NXPE1: variants seen among roughly 807,000 people sequenced by gnomAD.
NXPE1 encodes the protein NXPE family member 1.
A neutral mutation model predicts 33.3 loss-of-function variants in NXPE1; 31 were observed. The ratio of observed to expected loss-of-function variants is 0.93; its 90% confidence interval spans 0.70 to 1.26. The LOEUF (loss-of-function observed/expected upper bound fraction) is 1.26. Ranked by LOEUF, NXPE1 falls within the 50% of genes most tolerant of loss-of-function variation. The pLI, the probability that NXPE1 is intolerant of heterozygous loss-of-function variation, is 0.00. For missense variants in NXPE1, 661 were observed against 655.6 expected (o/e 1.01, Z -0.09); for synonymous variants, 229 against 231.4 (o/e 0.99, Z 0.09).
intron 5 of NXPE1, among the ~76,000 whole-genome samples, chr11:114,542,077 T>C (rs569964092): frequency 6.6e-6 from 1 of 152,288 alleles, no homozygotes. Context: ...TATGTTGAGA[T>C]TTTTTGCTAG....
intron 6 of NXPE1, chr11:114,529,046 T>A (rs565246898): frequency 7.5e-6 from 3 of 398,350 alleles, no homozygotes; most frequent in East Asian, 7.0e-5. Flanking sequence ...GAATGCATGT[T>A]ATTTTGTCAT....
rs191577194 is a variant in NXPE1 at position 114,528,945 on chromosome 11, G to A, written c.834-1044C>T. On this transcript the variant is annotated intron_variant, in intron 6 of 8. Coordinates refer to ENST00000534921, the Ensembl canonical transcript of NXPE1. Reference sequence around the variant, plus strand: ...TGTACCATCAGAGATAAAAGGGAGGGAACAGAAACTTAACTGTGCTTTTAC... The same window carrying A: ...TGTACCATCAGAGATAAAAGGGAGGAAACAGAAACTTAACTGTGCTTTTAC... 2.5e-3 allele frequency: 1,191 copies of A among 467,404 alleles called. 1 individual carries two copies. The highest frequency in any genetic ancestry group is 3.8e-3 in the Non-Finnish European group (971 of 255,788). 29.0% of individuals were successfully genotyped at this position (467,404 alleles called of 1,614,324 possible). A position where few individuals can be genotyped will look rare whatever the true frequency, so the allele number is the denominator to read the frequency against.
chr11:114,524,594 A>G (rs1947312397), intron 7 of NXPE1, among the ~76,000 whole-genome samples: 1 of 152,176 alleles, frequency 6.6e-6, no homozygotes, highest in Non-Finnish European at 1.5e-5. Flanking sequence ...ATGAGGCTTG[A>G]TAGCATTGCA....
chr11:114,520,609 C>G (rs994963925), downstream of NXPE1, among the ~76,000 whole-genome samples: 3 of 152,150 alleles, frequency 2.0e-5, no homozygotes, highest in Non-Finnish European at 4.4e-5. Flanking sequence ...GTGCTGATTT[C>G]ATTTCCTTTG....
intron 2 of NXPE1, 102 bp downstream of exon 2, chr11:114,552,750 T>C (rs1948539023): frequency 3.1e-6 from 1 of 325,130 alleles, no homozygotes; most frequent in South Asian, 1.2e-4. Context: ...TCAGCAGCAT[T>C]GAAAAAAAAG....
Position 114,535,660 on chromosome 11 carries a change from C to T in NXPE1, c.100-4752G>A, listed in dbSNP as rs532755332. 1.1e-4 allele frequency among the ~76,000 whole-genome samples: 16 copies of T among 152,128 alleles called. No homozygotes were observed. In the East Asian group the frequency reaches 2.9e-3, roughly 28 times the overall value. The stretch of plus-strand genomic sequence containing the variant: ...AGTCTCGGATAAAACAGACTTAAAC[C>T]AACAAAGATCAAAAGAGACAAAGAA... On this transcript the variant is annotated intron_variant, in intron 5 of 8. Transcript: ENST00000534921.
exon 8 of NXPE1, chr11:114,522,950 C>T (rs770267987): frequency 9.3e-6 from 15 of 1,613,422 alleles, no homozygotes; most frequent in Non-Finnish European, 1.3e-5. Context: ...AATGAGTTTG[C>T]CTTTCAAACA....
intron 5 of NXPE1, among the ~76,000 whole-genome samples, chr11:114,548,017 A>C (rs1363321527): frequency 6.6e-6 from 1 of 152,176 alleles, no homozygotes; most frequent in African/African-American, 2.4e-5. Flanking sequence ...TTGAACAATT[A>C]AATACCACAT....
intron 5 of NXPE1, among the ~76,000 whole-genome samples, chr11:114,535,435 T>C (rs890260239): frequency 1.3e-5 from 2 of 152,146 alleles, no homozygotes; most frequent in East Asian, 1.9e-4. Flanking sequence ...ATAACAATAC[T>C]AACCATAAAT....
At chr11:114,530,304 T>G in exon 6 of NXPE1, 1 of 1,614,214 alleles carries the variant, frequency 6.2e-7, no homozygotes, top group Non-Finnish European at 8.5e-7. Context: ...GTCTCTGTCA[T>G]CCAGATATTC....
At chr11:114,546,458 A>T (rs1019400968) in intron 5 of NXPE1, among the ~76,000 whole-genome samples, 13 of 130,752 alleles carry the variant, frequency 9.9e-5, no homozygotes, top group Admixed American at 6.2e-4. Flanking sequence ...ACATATATAT[A>T]TTTTTTCTTT....
chr11:114,522,595 CTAGA>C, intron 8 of NXPE1, 92 bp from the exon 9 acceptor site: 1 of 1,046,948 alleles, frequency 9.6e-7, no homozygotes. Flanking sequence ...CCCACCCTAC[CTAGA>C]TAATTGCTCA....
At chr11:114,553,897 G>T (rs80086409) in intron 1 of NXPE1, 2 of 979,350 alleles carry the variant, frequency 2.0e-6, no homozygotes, top group African/African-American at 3.5e-5. Flanking sequence ...GATCGTGGAA[G>T]TCATCAAAGG....
chr11:114,555,521 A>G (rs11215055), intron 1 of NXPE1, among the ~76,000 whole-genome samples: 34,659 of 152,154 alleles, frequency 0.23, 5,587 homozygotes, highest in African/African-American at 0.45. Flanking sequence ...CACCACGCCC[A>G]GCCAAGAATA....
chr11:114,521,069 C>G (rs765551994), downstream of NXPE1, among the ~76,000 whole-genome samples: 3 of 152,158 alleles, frequency 2.0e-5, no homozygotes, highest in Non-Finnish European at 4.4e-5. Context: ...TTAAATGGTG[C>G]TTTCCTAATT....
Position 114,552,846 on chromosome 11 carries a change from AC to A in NXPE1, c.-182+5del, listed in dbSNP as rs1948543793. Reference sequence around the variant, plus strand: ...AAACTTATTCTGTAAAATACTGGGTACTTACCCAATAGGTGTCAGGTAGCAC... The same window carrying A: ...AAACTTATTCTGTAAAATACTGGGTATTACCCAATAGGTGTCAGGTAGCAC... On this transcript the variant is annotated splice_donor_5th_base_variant and intron_variant, in intron 2 of 8. Transcript: ENST00000534921. 1.0e-6 allele frequency: 1 copy of A among 971,472 alleles called. No individual in the cohort carries two copies. Among genetic ancestry groups the A allele is most frequent in the Non-Finnish European group, 1.2e-6 (1 of 817,360 alleles). The allele number at this position is 971,472 out of a possible 1,614,324, so 60.2% of individuals were successfully genotyped here. A position where few individuals can be genotyped will look rare whatever the true frequency, so the allele number is the denominator to read the frequency against.
intron 5 of NXPE1, 135 bp downstream of exon 5, chr11:114,550,968 G>A (rs1948460424): frequency 3.3e-6 from 2 of 597,836 alleles, no homozygotes; most frequent in Non-Finnish European, 3.0e-6. Context: ...AAGGAGTTAG[G>A]TAGAGAGAGA....
chr11:114,539,541 C>T (rs924598106), intron 5 of NXPE1, among the ~76,000 whole-genome samples: 1 of 152,104 alleles, frequency 6.6e-6, no homozygotes, highest in Non-Finnish European at 1.5e-5. Context: ...AGATGTAGCA[C>T]TTTGAAATGT....
intron 5 of NXPE1, among the ~76,000 whole-genome samples, chr11:114,541,780 T>A (rs971210707): frequency 6.6e-6 from 1 of 152,116 alleles, no homozygotes; most frequent in Non-Finnish European, 1.5e-5. Context: ...AGATAAAAAA[T>A]CAGAGCTTAG....
Sources: allele counts gnomAD v4.1 joint callset (sites outside exome capture counted in the v4.1 genomes callset), GRCh38; gene constraint gnomAD v4.1.1; transcripts MANE v1.5; gene names NCBI Gene and HGNC (gene_info 2026-07-23, HGNC 2026-07-21).